Variants in KIF26A observed in about 807,000 individuals in gnomAD.
KIF26A encodes the protein kinesin family member 26A.
A neutral mutation model predicts 126.0 loss-of-function variants in KIF26A; 74 were observed. That is an observed-to-expected ratio of 0.59 (90% CI 0.49 to 0.71). KIF26A has a LOEUF of 0.71. KIF26A is among the 30% of genes least tolerant of loss of function. The pLI is 0.00. For synonymous variants in KIF26A, 1,445 were observed against 1,232.7 expected (o/e 1.17, Z -3.61); for missense variants, 2,984 against 2,763.3 (o/e 1.08, Z -1.79).
At chr14:104,145,483 G>A (rs941890799) in intron 2 of KIF26A, among the ~76,000 whole-genome samples, 20 of 152,160 alleles carry the variant, frequency 1.3e-4, no homozygotes, top group African/African-American at 3.1e-4. Context: ...GTGTAGTCCC[G>A]CCTGGCCCGG....
intron 4 of KIF26A, among the ~76,000 whole-genome samples, chr14:104,160,653 C>T (rs2037824637): frequency 6.6e-6 from 1 of 152,148 alleles, no homozygotes; most frequent in African/African-American, 2.4e-5. Flanking sequence ...GCTCTGGTGA[C>T]CCCCAGGGTT....
At chr14:104,166,484 C>T (rs912269194) in intron 4 of KIF26A, among the ~76,000 whole-genome samples, 22 of 152,238 alleles carry the variant, frequency 1.4e-4, no homozygotes, top group African/African-American at 3.1e-4. Context: ...GCCTGGGCAT[C>T]GGGTGGGAGC....
intron 12 of KIF26A, 24 bp from the exon 13 acceptor site, chr14:104,178,526 C>G (rs113932829): frequency 5.6e-6 from 8 of 1,432,370 alleles, no homozygotes; most frequent in Non-Finnish European, 7.3e-6. Flanking sequence ...CTCTGTTCAC[C>G]CTGTGCCCGG....
intron 5 of KIF26A, among the ~76,000 whole-genome samples, chr14:104,170,436 A>G (rs892061395): frequency 6.6e-6 from 1 of 152,222 alleles, no homozygotes; most frequent in African/African-American, 2.4e-5. Flanking sequence ...CCCCATGCCC[A>G]GGGGGAGTAG....
In KIF26A at chr14:104,138,735, G is replaced by A; in HGVS notation, c.13G>A (p.Gly5Ser). The stretch of plus-strand genomic sequence containing the variant: ...CCGCGCCCCGGCCATGGTCGGCCGC[G>A]GCGTCCCTCTGTGCGCTGCGCAGCC... MVGR[G>S]VPLCAAQPAV... The change falls in exon 1 of 15, where the codon GGC (glycine) becomes AGC (serine). Residue 5 changes from glycine to serine, a missense_variant. Transcript: ENST00000423312. 7.9e-7 allele frequency: 1 copy of A among 1,267,966 alleles called. No homozygotes were observed. 78.5% of individuals were successfully genotyped at this position (1,267,966 alleles called of 1,614,324 possible).
rs1242122989 is a variant in KIF26A, at chr14:104,151,224, C to A, written c.289-791C>A. ...CCTGACTCTGAGGCTGGGTGAGGCG[C>A]ATCCTCCTCTGGGTTCTTCTGGCTC... On this transcript the variant is annotated intron_variant, in intron 2 of 14. Coordinates refer to ENST00000423312, the MANE Select transcript of KIF26A (RefSeq NM_015656.2). The surrounding 1 kb of genome is among the most constrained non-coding windows in gnomAD (Gnocchi z 4.9). Among the ~76,000 whole-genome samples the A allele has an allele frequency of 2.0e-5, 3 of 152,216 alleles. No homozygotes were observed. The highest frequency in any genetic ancestry group is 4.4e-5 in the Non-Finnish European group (3 of 68,038).
In KIF26A at chr14:104,173,850, C is replaced by T; in HGVS notation, c.2012C>T (p.Ala671Val). ...GTCATCTTGGCCCTGGTCAACGGAG[C>T]CAAGCATGTGCCGTATCGGTGAGTG... Reference protein sequence around the residue: ...GSVILALVNGAKHVPYRDHRL... With the variant: ...GSVILALVNGVKHVPYRDHRL... The change falls in exon 10 of 15, where the codon GCC (alanine) becomes GTC (valine). Residue 671 changes from alanine to valine, a missense_variant. By Grantham distance (64) the Ala-to-Val change is moderately conservative. Coordinates refer to ENST00000423312, the MANE Select transcript of KIF26A (RefSeq NM_015656.2). The T allele has an allele frequency of 6.3e-7, 1 of 1,595,642 alleles. No homozygotes were observed.
Position 104,180,182 on chromosome 14 carries a change from GT to G in KIF26A, c.*397del. On this transcript the variant is annotated 3_prime_UTR_variant, in exon 15 of 15. Transcript: ENST00000423312. Reference sequence around the variant, plus strand: ...ACCTTGCCTTCTTTGCAGCCAAGCAGTTTTTGTGGAGTGGAGTGGGACTTAC... The same window carrying G: ...ACCTTGCCTTCTTTGCAGCCAAGCAGTTTTGTGGAGTGGAGTGGGACTTAC... The G allele has an allele frequency of 1.1e-5, 1 of 90,996 alleles. No individual in the cohort carries two copies. The highest frequency in any genetic ancestry group is 1.9e-5 in the Non-Finnish European group (1 of 53,646). 5.6% of individuals were successfully genotyped at this position (90,996 alleles called of 1,614,324 possible). A position where few individuals can be genotyped will look rare whatever the true frequency, so the allele number is the denominator to read the frequency against.
rs143926549 is a variant in KIF26A at position 104,159,232 on chromosome 14, G to A, written c.923+1290G>A. Among the ~76,000 whole-genome samples, 896 of 152,324 alleles carry A rather than the reference G, an allele frequency of 5.9e-3. 13 individuals are homozygous for A. The highest frequency in any genetic ancestry group is 0.02 in the African/African-American group (821 of 41,582). On this transcript the variant is annotated intron_variant, in intron 4 of 14. Transcript: ENST00000423312. The stretch of plus-strand genomic sequence containing the variant: ...AGCAGATGGGGGTCTTGCCCATCCT[G>A]CTCTGGGGTCCCCCGTGTGTGGGAC...
chr14:104,171,064 C>T (rs528160608), intron 5 of KIF26A, among the ~76,000 whole-genome samples: 2 of 152,220 alleles, frequency 1.3e-5, no homozygotes, highest in Admixed American at 6.5e-5. Flanking sequence ...CCGGTGAGGC[C>T]GAGGCGTCAG....
At position 104,175,452 on chromosome 14, in the gene KIF26A, G is replaced by C. The variant is rs1240579479; in HGVS notation, c.2664G>C (p.Lys888Asn). Reference protein sequence around the residue: ...PSPPEAASPRKAVGTPMAAST... With the variant: ...PSPPEAASPRNAVGTPMAAST... Reference sequence around the variant, plus strand: ...CACCAGAGGCTGCATCCCCCAGGAAGGCCGTGGGCACCCCGATGGCTGCCA... The same window carrying C: ...CACCAGAGGCTGCATCCCCCAGGAACGCCGTGGGCACCCCGATGGCTGCCA... The change falls in exon 12 of 15, where the codon AAG becomes AAC. Residue 888 changes from lysine to asparagine, a missense_variant. Coordinates refer to ENST00000423312, the MANE Select transcript of KIF26A (RefSeq NM_015656.2). The C allele has an allele frequency of 6.3e-7, 1 of 1,592,508 alleles. No homozygotes were observed. Among genetic ancestry groups the C allele is most frequent in the Non-Finnish European group, 8.5e-7 (1 of 1,176,466 alleles).
rs550016899 is a variant in KIF26A at position 104,139,368 on chromosome 14, C to T, written c.288+80C>T. ...GTAGAACTTGGGGCTTGGAGGGAAG[C>T]AGGGTTCCACTCCTTCCCTGCTGCT... On this transcript the variant is annotated intron_variant, in intron 2 of 14. Coordinates refer to ENST00000423312, the MANE Select transcript of KIF26A (RefSeq NM_015656.2). The T allele has an allele frequency of 4.9e-5, 66 of 1,345,338 alleles. No homozygotes were observed. The African/African-American group carries it at 9.7e-4, about 20-fold the overall frequency. The allele number at this position is 1,345,338 out of a possible 1,614,324, so 83.3% of individuals were successfully genotyped here.
At chr14:104,166,799 G>T in intron 4 of KIF26A, 60 bp from the exon 5 acceptor site, 3 of 1,426,454 alleles carry the variant, frequency 2.1e-6, no homozygotes, top group Non-Finnish European at 2.8e-6. Context: ...ACTCGCAGGC[G>T]GGTGACAGGA....
chr14:104,149,731 C>T (rs966605329), intron 2 of KIF26A, among the ~76,000 whole-genome samples: 13 of 152,194 alleles, frequency 8.5e-5, no homozygotes, highest in African/African-American at 2.9e-4. Flanking sequence ...CCCCTGCCCT[C>T]CACTCTCCTT....
At chr14:104,157,643 G>A in intron 3 of KIF26A, 112 bp from the exon 4 acceptor site, 1 of 1,178,584 alleles carries the variant, frequency 8.5e-7, no homozygotes, top group Non-Finnish European at 1.2e-6. Context: ...AGAGCCCCCA[G>A]GAATGTGCTG....
intron 4 of KIF26A, among the ~76,000 whole-genome samples, chr14:104,165,916 A>C (rs1284325386): frequency 6.7e-6 from 1 of 150,278 alleles, no homozygotes; most frequent in African/African-American, 2.4e-5. Flanking sequence ...GCTCCCAAGC[A>C]TGCACTGGCC....
chr14:104,173,963 G>A, intron 10 of KIF26A, 95 bp downstream of exon 10: 1 of 1,452,304 alleles, frequency 6.9e-7, no homozygotes. Context: ...GTGGCCCCCA[G>A]CTCCTCAGGG....
rs529981612 is a variant in KIF26A at position 104,156,863 on chromosome 14, C to T, written c.736-892C>T. ...GCTAGCCTGGGTACAAAGGACGCCT[C>T]GGGCAGTGGTTATCGACTGGACACT... On this transcript the variant is annotated intron_variant, in intron 3 of 14. Coordinates refer to ENST00000423312, the MANE Select transcript of KIF26A (RefSeq NM_015656.2). 1.7e-4 allele frequency among the ~76,000 whole-genome samples: 26 copies of T among 152,310 alleles called. 1 individual carries two copies. Among genetic ancestry groups the T allele is most frequent in the Admixed American group, 2.6e-4 (4 of 15,308 alleles).
At position 104,179,931 on chromosome 14, in the gene KIF26A, A is replaced by T; in HGVS notation, c.*141A>T. On this transcript the variant is annotated 3_prime_UTR_variant, in exon 15 of 15. Coordinates refer to ENST00000423312, the MANE Select transcript of KIF26A (RefSeq NM_015656.2). ...GACGGGAGTCTCAGAGAGGAGACGG[A>T]GTGTGGGGGAGGGAGGGCCGGCCAC... 4 of 845,634 alleles carry T rather than the reference A, an allele frequency of 4.7e-6. No homozygotes were observed. The highest frequency in any genetic ancestry group is 2.0e-5 in the South Asian group (1 of 49,014). 52.4% of individuals were successfully genotyped at this position (845,634 alleles called of 1,614,324 possible). A position where few individuals can be genotyped will look rare whatever the true frequency, so the allele number is the denominator to read the frequency against.
Sources: gnomAD v4.1 joint callset for allele counts (sites outside exome capture counted in the v4.1 genomes callset) on GRCh38, gnomAD v4.1.1 for gene constraint, Gnocchi (gnomAD v3.1) non-coding constraint, MANE v1.5 for transcripts, NCBI Gene and HGNC (gene_info 2026-07-23, HGNC 2026-07-21) for gene names.